NDUFAF8: variants seen among roughly 807,000 people sequenced by gnomAD.
The protein encoded by NDUFAF8 is NADH:ubiquinone oxidoreductase complex assembly factor 8, also known as NADH dehydrogenase [ubiquinone] 1 alpha subcomplex assembly factor 8.
In NDUFAF8, 9 loss-of-function variants were observed where a neutral mutation model predicts 9.9. That is an observed-to-expected ratio of 0.91 (90% CI 0.55 to 1.59). The LOEUF is 1.59. Among genes scored for constraint, NDUFAF8 ranks in the 40% most tolerant of loss-of-function variants. The pLI, the probability that NDUFAF8 is intolerant of heterozygous loss-of-function variation, is 0.00. For missense variants in NDUFAF8, 114 were observed against 113.8 expected (o/e 1.00, Z -0.01); for synonymous variants, 63 against 51.2 (o/e 1.23, Z -0.98).
intron 2 of NDUFAF8, chr17:81,240,124 C>T: frequency 4.6e-6 from 1 of 217,328 alleles, no homozygotes; most frequent in Non-Finnish European, 9.5e-6. Context: ...CAGCCACCCT[C>T]ACAACTGGCA....
At position 81,239,380 on chromosome 17, in the gene NDUFAF8, C is replaced by G; in HGVS notation, c.17C>G (p.Ala6Gly). MSANG[A>G]VWGRVRSRLR... ...TAGCCGCTCATGTCGGCTAACGGAG[C>G]GGTGTGGGGCCGCGTGCGAAGCCGC... Residue 6 changes from alanine (A) to glycine (G), a missense_variant, in exon 1 of 3, where the codon GCG (alanine) becomes GGG (glycine). Coordinates refer to ENST00000431388, the MANE Select transcript of NDUFAF8 (RefSeq NM_001086521.2). 7.4e-7 allele frequency: 1 copy of G among 1,357,404 alleles called. No homozygotes were observed. Among genetic ancestry groups the G allele is most frequent in the Non-Finnish European group, 9.5e-7 (1 of 1,053,458 alleles). 84.1% of individuals were successfully genotyped at this position (1,357,404 alleles called of 1,614,324 possible).
chr17:81,239,467 C>T lies in NDUFAF8; in HGVS notation c.84+20C>T. 1 of 1,389,388 alleles carries T rather than the reference C, an allele frequency of 7.2e-7. No homozygotes were observed. The highest frequency in any genetic ancestry group is 9.3e-7 in the Non-Finnish European group (1 of 1,076,024). The allele number at this position is 1,389,388 out of a possible 1,614,324, so 86.1% of individuals were successfully genotyped here. ...GCCGAGGTGAGGAGCCGCGGGCGGG[C>T]CAGTGCTGCGGGGCAGGAGGAGCCG... On this transcript the variant is annotated intron_variant, in intron 1 of 2. Transcript: ENST00000431388.
At position 81,239,447 on chromosome 17, in the gene NDUFAF8, G is replaced by T. The variant is rs1317816773; in HGVS notation, c.84G>T (p.Glu28Asp). 1 of 1,369,038 alleles carries T rather than the reference G, an allele frequency of 7.3e-7. No individual in the cohort carries two copies. The highest frequency in any genetic ancestry group is 1.7e-5 in the South Asian group (1 of 57,858). 84.8% of individuals were successfully genotyped at this position (1,369,038 alleles called of 1,614,324 possible). ...FPERLAACGA[E>D]AAAYGRCVQA... ...AGCGGCTGGCCGCCTGCGGGGCCGA[G>T]GTGAGGAGCCGCGGGCGGGCCAGTG... Residue 28 changes from glutamate to aspartate, a missense_variant and splice_region_variant, in exon 1 of 3, where the codon GAG (glutamate) becomes GAT (aspartate). Transcript: ENST00000431388.
At chr17:81,239,843 C>T (rs530887366) in intron 2 of NDUFAF8, 165 bp downstream of exon 2, 27 of 750,000 alleles carry the variant, frequency 3.6e-5, no homozygotes, top group Non-Finnish European at 5.1e-5. Flanking sequence ...CCCGCGAAAC[C>T]TCGGCCGTCC....
At chr17:81,239,759 C>G in intron 2 of NDUFAF8, 81 bp downstream of exon 2, 2 of 1,428,494 alleles carry the variant, frequency 1.4e-6, no homozygotes, top group Non-Finnish European at 1.9e-6. Context: ...CTTTGCTTTC[C>G]CGTTGGTTCA....
In NDUFAF8 at chr17:81,240,913, T is replaced by G. The variant is rs930208096; in HGVS notation, c.196-74T>G. 20 of 1,536,740 alleles carry G rather than the reference T, an allele frequency of 1.3e-5. No homozygotes were observed. In the African/African-American group the frequency reaches 2.5e-4, roughly 19 times the overall value. On this transcript the variant is annotated intron_variant, in intron 2 of 2. Transcript: ENST00000431388. ...AAGGTATTTGGTAGAACACAACGTG[T>G]GGTGTGGTAGCTTGCTTTTGAGGCG...
chr17:81,239,837 C>T (rs1362927700), intron 2 of NDUFAF8, 159 bp downstream of exon 2: 4 of 808,890 alleles, frequency 4.9e-6, no homozygotes, highest in African/African-American at 1.8e-5. Flanking sequence ...GACGAGCCCG[C>T]GAAACCTCGG....
Position 81,239,375 on chromosome 17 carries a change from C to G in NDUFAF8, c.12C>G (p.Asn4Lys). The G allele has an allele frequency of 7.3e-7, 1 of 1,365,488 alleles. No individual in the cohort carries two copies. The highest frequency in any genetic ancestry group is 9.4e-7 in the Non-Finnish European group (1 of 1,058,548). 84.6% of individuals were successfully genotyped at this position (1,365,488 alleles called of 1,614,324 possible). A position where few individuals can be genotyped will look rare whatever the true frequency, so the allele number is the denominator to read the frequency against. MSANGAVWGRVRSR... is the reference protein window; with the variant it reads MSAKGAVWGRVRSR... ...GGGAATAGCCGCTCATGTCGGCTAACGGAGCGGTGTGGGGCCGCGTGCGAA... is the reference window on the plus strand; with the variant it reads ...GGGAATAGCCGCTCATGTCGGCTAAGGGAGCGGTGTGGGGCCGCGTGCGAA... The change falls in exon 1 of 3, where the codon AAC becomes AAG. Residue 4 changes from asparagine (N) to lysine (K), a missense_variant. Coordinates refer to ENST00000431388, the MANE Select transcript of NDUFAF8 (RefSeq NM_001086521.2).
chr17:81,239,372 T>C lies in NDUFAF8; in HGVS notation c.9T>C (p.Ala3=). The C allele has an allele frequency of 2.9e-6, 4 of 1,365,168 alleles. No homozygotes were observed. Among genetic ancestry groups the C allele is most frequent in the Non-Finnish European group, 3.8e-6 (4 of 1,058,268 alleles). The allele number at this position is 1,365,168 out of a possible 1,614,324, so 84.6% of individuals were successfully genotyped here. Residue 3 remains alanine (A), a synonymous_variant, in exon 1 of 3, where the codon GCT becomes GCC. Transcript: ENST00000431388. ...GCTGGGAATAGCCGCTCATGTCGGC[T>C]AACGGAGCGGTGTGGGGCCGCGTGC... MS[A]NGAVWGRVRS... is the part of the protein sequence containing the mutation.
Position 81,241,030 on chromosome 17 carries a change from C to T in NDUFAF8, c.*14C>T, listed in dbSNP as rs746401977. 1 of 1,612,836 alleles carries T rather than the reference C, an allele frequency of 6.2e-7. No individual in the cohort carries two copies. The highest frequency in any genetic ancestry group is 8.5e-7 in the Non-Finnish European group (1 of 1,179,518). ...GGAGGCTGTTAGGAGGGACTCTGAG[C>T]TTCACACCTGTCTGCTGCCATGGGT... On this transcript the variant is annotated 3_prime_UTR_variant, in exon 3 of 3. Transcript: ENST00000431388.
At position 81,241,012 on chromosome 17, in the gene NDUFAF8, G is replaced by A. The variant is rs1226702834; in HGVS notation, c.221G>A (p.Cys74Tyr). ...GCCAAGAAGACGCTGGAGGGAGGCTGTTAGGAGGGACTCTGAGCTTCACAC... is the reference window on the plus strand; with the variant it reads ...GCCAAGAAGACGCTGGAGGGAGGCTATTAGGAGGGACTCTGAGCTTCACAC... ...AAAKKTLEGG[C>Y] The change falls in exon 3 of 3, where the codon TGT (cysteine) becomes TAT (tyrosine). Residue 74 changes from cysteine (C) to tyrosine (Y), a missense_variant. Physicochemically the swap from Cys to Tyr is radical, Grantham distance 194. Coordinates refer to ENST00000431388, the MANE Select transcript of NDUFAF8 (RefSeq NM_001086521.2). The A allele has an allele frequency of 6.2e-7, 1 of 1,613,240 alleles. No homozygotes were observed. The highest frequency in any genetic ancestry group is 1.3e-5 in the African/African-American group (1 of 75,056).
Position 81,239,697 on chromosome 17 carries a change from C to T in NDUFAF8, c.195+19C>T, listed in dbSNP as rs1450437088. 2 of 1,530,778 alleles carry T rather than the reference C, an allele frequency of 1.3e-6. No individual in the cohort carries two copies. 94.8% of individuals were successfully genotyped at this position (1,530,778 alleles called of 1,614,324 possible). ...CGCTGCGGTAGGTGGGCGCGGGCCC[C>T]TTCCCCCCTTCCCAGCCCTTCCCCT... On this transcript the variant is annotated intron_variant, in intron 2 of 2. Coordinates refer to ENST00000431388, the MANE Select transcript of NDUFAF8 (RefSeq NM_001086521.2).
At chr17:81,240,202 C>G (rs1372342364) in intron 2 of NDUFAF8, 1 of 170,098 alleles carries the variant, frequency 5.9e-6, no homozygotes, top group Non-Finnish European at 1.3e-5. Context: ...TCAGCCGCAC[C>G]GGGTACCACC....
intron 1 of NDUFAF8, 39 bp from the exon 2 acceptor site, chr17:81,239,529 G>C: frequency 2.0e-6 from 3 of 1,485,404 alleles, no homozygotes; most frequent in Non-Finnish European, 2.7e-6. Flanking sequence ...CGGTGACGGG[G>C]TCAGGGGACC....
chr17:81,239,408 C>T lies in NDUFAF8; in HGVS notation c.45C>T (p.Leu15=), dbSNP rs1269928832. 3 of 1,364,336 alleles carry T rather than the reference C, an allele frequency of 2.2e-6. No homozygotes were observed. Among genetic ancestry groups the T allele is most frequent in the African/African-American group, 3.1e-5 (2 of 64,908 alleles). The allele number at this position is 1,364,336 out of a possible 1,614,324, so 84.5% of individuals were successfully genotyped here. A position where few individuals can be genotyped will look rare whatever the true frequency, so the allele number is the denominator to read the frequency against. The change falls in exon 1 of 3, where the codon CTC becomes CTT. Residue 15 remains leucine, a synonymous_variant. Transcript: ENST00000431388. ...TGTGGGGCCGCGTGCGAAGCCGCCT[C>T]CGCGCCTTCCCCGAGCGGCTGGCCG... The part of the protein sequence containing the change: ...GAVWGRVRSR[L]RAFPERLAAC...
At position 81,241,162 on chromosome 17, in the gene NDUFAF8, T is replaced by G. The variant is rs769837912; in HGVS notation, c.*146T>G. 1.4e-5 allele frequency: 20 copies of G among 1,406,050 alleles called. 1 individual carries two copies. In the South Asian group the frequency reaches 2.9e-4, roughly 21 times the overall value. 87.1% of individuals were successfully genotyped at this position (1,406,050 alleles called of 1,614,324 possible). On this transcript the variant is annotated 3_prime_UTR_variant, in exon 3 of 3. Coordinates refer to ENST00000431388, the MANE Select transcript of NDUFAF8 (RefSeq NM_001086521.2). ...ACATTCCTCGGTGTTAGATCCTGTT[T>G]TTTCTTAACAAGTTGAGGCGTGGGT...
intron 2 of NDUFAF8, 169 bp downstream of exon 2, chr17:81,239,847 G>A (rs2062796906): frequency 9.7e-6 from 7 of 719,504 alleles, no homozygotes; most frequent in Non-Finnish European, 1.1e-5. Flanking sequence ...CGAAACCTCG[G>A]CCGTCCTGGG....
intron 2 of NDUFAF8, among the ~76,000 whole-genome samples, 188 bp from the exon 3 acceptor site, chr17:81,240,799 G>A (rs887901636): frequency 6.6e-5 from 10 of 152,136 alleles, no homozygotes; most frequent in East Asian, 1.9e-4. Flanking sequence ...CCCTTGTCCC[G>A]TGGACAAGTG....
At chr17:81,239,721 C>G (rs1332834234) in intron 2 of NDUFAF8, 43 bp downstream of exon 2, 4 of 1,510,480 alleles carry the variant, frequency 2.6e-6, no homozygotes, top group African/African-American at 2.8e-5. Flanking sequence ...AGCCCTTCCC[C>G]TCCAAGAGCC....
Sources: allele counts gnomAD v4.1 joint callset (sites outside exome capture counted in the v4.1 genomes callset), GRCh38; gene constraint gnomAD v4.1.1; transcripts MANE v1.5; gene names NCBI Gene and HGNC (gene_info 2026-07-23, HGNC 2026-07-21).